Variants in ADGRB3 observed in about 807,000 individuals in gnomAD.
ADGRB3 encodes the protein brain-specific angiogenesis inhibitor 3.
In ADGRB3, 37 loss-of-function variants were observed where a neutral mutation model predicts 193.4. The observed-to-expected ratio is 0.19, with a 90% CI of 0.15 to 0.25. The LOEUF (loss-of-function observed/expected upper bound fraction) is 0.25. Ranked by LOEUF, ADGRB3 falls within the 10% of genes least tolerant of loss-of-function variation. The probability of loss-of-function intolerance (pLI) is 1.00; values close to 1 mark genes in which losing one functional copy is unlikely to be tolerated. For missense variants in ADGRB3, 1,637 were observed against 1,852.9 expected (o/e 0.88, Z 2.14); for synonymous variants, 690 against 644.2 (o/e 1.07, Z -1.08).
chr6:69,053,952 A>G (rs1428204548), intron 15 of ADGRB3, among the ~76,000 whole-genome samples: 4 of 152,224 alleles, frequency 2.6e-5, no homozygotes, highest in African/African-American at 9.6e-5. Context: ...TCATTTAATA[A>G]GTTCAGCTTC....
intron 3 of ADGRB3, among the ~76,000 whole-genome samples, chr6:68,744,791 G>T (rs1195483772): frequency 6.6e-6 from 1 of 152,106 alleles, no homozygotes; most frequent in Non-Finnish European, 1.5e-5. Context: ...AATGTAGGTT[G>T]TGGGTTGATG....
At chr6:68,961,850 A>G (rs1768242874) in intron 8 of ADGRB3, among the ~76,000 whole-genome samples, 1 of 152,212 alleles carries the variant, frequency 6.6e-6, no homozygotes, top group Non-Finnish European at 1.5e-5. Flanking sequence ...TTATTTAATT[A>G]AGCACAAATA....
At chr6:69,032,317 A>G (rs1404284062) in intron 13 of ADGRB3, among the ~76,000 whole-genome samples, 3 of 152,334 alleles carry the variant, frequency 2.0e-5, no homozygotes, top group African/African-American at 4.8e-5. Flanking sequence ...TGAATTTTAT[A>G]AAATATTACT....
chr6:69,182,104 A>T (rs765395248), intron 17 of ADGRB3, among the ~76,000 whole-genome samples: 1 of 152,174 alleles, frequency 6.6e-6, no homozygotes, highest in East Asian at 1.9e-4. Flanking sequence ...AAAGACTGAA[A>T]ATGGAAGGAT....
intron 6 of ADGRB3, among the ~76,000 whole-genome samples, chr6:68,952,054 A>C (rs530502189): frequency 2.0e-5 from 3 of 152,322 alleles, no homozygotes; most frequent in South Asian, 2.1e-4. Context: ...ACATTTCTCT[A>C]CATTTATCCC....
intron 20 of ADGRB3, among the ~76,000 whole-genome samples, chr6:69,280,525 A>G (rs1200844713): frequency 1.3e-5 from 2 of 152,204 alleles, no homozygotes; most frequent in African/African-American, 2.4e-5. Context: ...ACTTATACAT[A>G]TAAAGGGAAT....
intron 17 of ADGRB3, among the ~76,000 whole-genome samples, chr6:69,115,730 G>A (rs1422232231): frequency 6.6e-6 from 1 of 152,214 alleles, no homozygotes; most frequent in African/African-American, 2.4e-5. Flanking sequence ...TTCAAAGAAT[G>A]CAGTTAGCTG....
intron 17 of ADGRB3, among the ~76,000 whole-genome samples, chr6:69,077,675 C>T (rs1582443845): frequency 1.3e-5 from 2 of 152,104 alleles, no homozygotes; most frequent in East Asian, 3.9e-4. Context: ...ATCAATCACA[C>T]CTCCCTAACA....
intron 3 of ADGRB3, among the ~76,000 whole-genome samples, chr6:68,806,759 G>T (rs1275813462): frequency 6.6e-6 from 1 of 151,848 alleles, no homozygotes; most frequent in African/African-American, 2.4e-5. Flanking sequence ...ATACAGTAGA[G>T]TTATCTGCAT....
chr6:69,093,307 G>A (rs1772769983), intron 17 of ADGRB3, among the ~76,000 whole-genome samples: 1 of 151,692 alleles, frequency 6.6e-6, no homozygotes, highest in Non-Finnish European at 1.5e-5. Flanking sequence ...GAAAGGGATG[G>A]GGTGGGCATT....
intron 12 of ADGRB3, 27 bp from the exon 13 acceptor site, chr6:69,018,364 C>A: frequency 1.4e-6 from 2 of 1,428,618 alleles, no homozygotes; most frequent in South Asian, 1.3e-5. Context: ...ATTTTTTATT[C>A]CTTCTAACCT....
intron 3 of ADGRB3, among the ~76,000 whole-genome samples, chr6:68,733,689 T>C (rs1765818489): frequency 6.6e-6 from 1 of 150,822 alleles, no homozygotes; most frequent in South Asian, 2.1e-4. Flanking sequence ...GTGAGGATGG[T>C]TAGTGGGTAC....
intron 3 of ADGRB3, among the ~76,000 whole-genome samples, chr6:68,907,603 C>T (rs114512859): frequency 0.012 from 1,880 of 151,906 alleles, 48 homozygotes; most frequent in African/African-American, 0.043. Flanking sequence ...ACATTTCAGA[C>T]TTTACCAGGT....
At chr6:69,349,176 G>A (rs72915023) in intron 26 of ADGRB3, among the ~76,000 whole-genome samples, 3,146 of 152,312 alleles carry the variant, frequency 0.021, 51 homozygotes, top group Non-Finnish European at 0.03. Context: ...TGGGATCCTG[G>A]TGTATGACAC....
At position 69,381,446 on chromosome 6, in the gene ADGRB3, T is replaced by C. The variant is rs1769944701; in HGVS notation, c.4276-1385T>C. ...GACAGAAACTGATTGTTGCAAGACATAAAATGGCAGAAATCTCTCACATAA... is the reference window on the plus strand; with the variant it reads ...GACAGAAACTGATTGTTGCAAGACACAAAATGGCAGAAATCTCTCACATAA... On this transcript the variant is annotated intron_variant, in intron 30 of 31. Coordinates refer to ENST00000370598, the MANE Select transcript of ADGRB3 (RefSeq NM_001704.3). 3.3e-5 allele frequency among the ~76,000 whole-genome samples: 5 copies of C among 151,942 alleles called. No homozygotes were observed. The South Asian group carries it at 1.0e-3, about 31-fold the overall frequency.
At chr6:69,291,163 G>A (rs1767657292) in intron 20 of ADGRB3, among the ~76,000 whole-genome samples, 1 of 152,056 alleles carries the variant, frequency 6.6e-6, no homozygotes, top group South Asian at 2.1e-4. Context: ...AGGAATAAAA[G>A]TGAGGGATAA....
At chr6:69,031,774 A>G (rs1308947108) in intron 13 of ADGRB3, among the ~76,000 whole-genome samples, 1 of 151,568 alleles carries the variant, frequency 6.6e-6, no homozygotes, top group African/African-American at 2.4e-5. Context: ...AGCTGGGACT[A>G]CAGTCATGCG....
chr6:68,734,140 A>T (rs1765829267), intron 3 of ADGRB3, among the ~76,000 whole-genome samples: 1 of 151,990 alleles, frequency 6.6e-6, no homozygotes, highest in Admixed American at 6.6e-5. Flanking sequence ...ATATGTAAAC[A>T]TACATTTGAA....
intron 3 of ADGRB3, among the ~76,000 whole-genome samples, chr6:68,893,701 C>G (rs1281282120): frequency 1.3e-5 from 2 of 151,830 alleles, no homozygotes; most frequent in African/African-American, 4.8e-5. Context: ...TCAAAGGTAT[C>G]AGTTTAATTA....
Sources: gnomAD v4.1 joint callset for allele counts (sites outside exome capture counted in the v4.1 genomes callset) on GRCh38, gnomAD v4.1.1 for gene constraint, MANE v1.5 for transcripts, NCBI Gene and HGNC (gene_info 2026-07-23, HGNC 2026-07-21) for gene names.